Variants in DPP6 observed in about 807,000 individuals in gnomAD.
DPP6 encodes the protein dipeptidyl peptidase like 6, also known as A-type potassium channel modulatory protein DPP6.
DPP6 carries 69 observed loss-of-function variants against 122.6 expected under a neutral mutation model. The observed-to-expected ratio is 0.56, with a 90% CI of 0.46 to 0.69. The LOEUF (loss-of-function observed/expected upper bound fraction) is 0.69, where lower values mean the gene tolerates loss of function less well. DPP6 is among the 30% of genes least tolerant of loss of function. The pLI is 0.00. For synonymous variants in DPP6, 418 were observed against 433.1 expected (o/e 0.97, Z 0.43); for missense variants, 928 against 1,116.9 (o/e 0.83, Z 2.41).
chr7:154,248,886 G>C (rs1172387877), intron 1 of DPP6, among the ~76,000 whole-genome samples: 2 of 151,890 alleles, frequency 1.3e-5, no homozygotes, highest in Non-Finnish European at 2.9e-5. Context: ...AAAAAGAAAA[G>C]GCATTGAACT....
chr7:154,412,770 C>T lies in DPP6; in HGVS notation c.244-33444C>T, dbSNP rs545931561. ...CGAGTGACTTCATCTCACTCGACGACCTCACCTGACTATTCCCTGGCCTCT... is the reference window on the plus strand; with the variant it reads ...CGAGTGACTTCATCTCACTCGACGATCTCACCTGACTATTCCCTGGCCTCT... On this transcript the variant is annotated intron_variant, in intron 1 of 25. Coordinates refer to ENST00000377770, the MANE Select transcript of DPP6 (RefSeq NM_130797.4). Among the ~76,000 whole-genome samples the T allele has an allele frequency of 9.8e-5, 15 of 152,294 alleles. No homozygotes were observed. In the South Asian group the frequency reaches 2.9e-3, roughly 30 times the overall value.
At chr7:153,945,954 G>A (rs1336933781) in intron 1 of DPP6, among the ~76,000 whole-genome samples, 1 of 152,194 alleles carries the variant, frequency 6.6e-6, no homozygotes, top group African/African-American at 2.4e-5. Context: ...TGGAATGTGT[G>A]TGGCCACCTT....
chr7:154,651,023 A>G (rs995924120), intron 6 of DPP6, among the ~76,000 whole-genome samples: 46 of 152,142 alleles, frequency 3.0e-4, no homozygotes, highest in African/African-American at 1.1e-3. Context: ...GTACATTTCT[A>G]TTGGTTTTTT....
At chr7:154,627,701 A>C (rs1322532933) in intron 5 of DPP6, among the ~76,000 whole-genome samples, 1 of 152,216 alleles carries the variant, frequency 6.6e-6, no homozygotes, top group Non-Finnish European at 1.5e-5. Flanking sequence ...CAACTTCCGC[A>C]TCAGGACTTA....
intron 3 of DPP6, among the ~76,000 whole-genome samples, chr7:154,506,386 G>A (rs904443825): frequency 1.4e-4 from 21 of 152,148 alleles, no homozygotes; most frequent in African/African-American, 5.1e-4. Flanking sequence ...TGTCTTTAGA[G>A]GGTGACTATT....
intron 7 of DPP6, among the ~76,000 whole-genome samples, chr7:154,701,542 C>T (rs542207725): frequency 2.0e-5 from 3 of 152,238 alleles, no homozygotes; most frequent in East Asian, 1.9e-4. Flanking sequence ...CAGGCTGAGC[C>T]GCCAGGCTGA....
chr7:154,053,250 G>T (rs1330396387), intron 1 of DPP6, among the ~76,000 whole-genome samples, 187 bp downstream of exon 1: 1 of 150,692 alleles, frequency 6.6e-6, no homozygotes, highest in African/African-American at 2.4e-5. Flanking sequence ...CGGAGGGAGC[G>T]GGTCTGTGTC....
the DPP6 span, among the ~76,000 whole-genome samples, chr7:153,843,243 CATACATGTGCAT>C: frequency 6.6e-6 from 1 of 150,540 alleles, no homozygotes; most frequent in South Asian, 2.1e-4. Flanking sequence ...TACACACGCA[CATACATGTGCAT>C]ACAGACACAC....
intron 1 of DPP6, chr7:154,057,294 C>T (rs2129065811): frequency 6.6e-6 from 1 of 151,168 alleles, no homozygotes; most frequent in Admixed American, 6.6e-5. Flanking sequence ...GAGAGCCAGC[C>T]CCTCTTCCCC....
intron 4 of DPP6, among the ~76,000 whole-genome samples, chr7:154,565,409 T>TA (rs1159238544): frequency 6.6e-5 from 10 of 152,210 alleles, no homozygotes; most frequent in Admixed American, 6.5e-4. Context: ...CACCATGTGA[T>TA]ATTACGAGCC....
At chr7:154,727,993 C>T in intron 8 of DPP6, 106 bp downstream of exon 8, 1 of 1,482,646 alleles carries the variant, frequency 6.7e-7, no homozygotes, top group Non-Finnish European at 9.0e-7. Context: ...GTAAATTAAA[C>T]TCCAGTTTCT....
At chr7:154,799,130 G>A (rs1311934324) in intron 12 of DPP6, among the ~76,000 whole-genome samples, 1 of 152,152 alleles carries the variant, frequency 6.6e-6, no homozygotes, top group Non-Finnish European at 1.5e-5. Flanking sequence ...TAGGTCCACC[G>A]ATCTTCCAAG....
chr7:154,762,932 A>C (rs370170255), intron 8 of DPP6, among the ~76,000 whole-genome samples: 125 of 152,358 alleles, frequency 8.2e-4, no homozygotes, highest in African/African-American at 2.9e-3. Context: ...GAAAATCACC[A>C]AAGTGTGGAA....
At chr7:154,151,164 T>C (rs181559817) in intron 1 of DPP6, among the ~76,000 whole-genome samples, 2,696 of 152,262 alleles carry the variant, frequency 0.018, 69 homozygotes, top group African/African-American at 0.059. Flanking sequence ...GCTTCTTCCA[T>C]GGAAGCTGCC....
chr7:154,040,569 A>G (rs1799707623), intron 1 of DPP6, among the ~76,000 whole-genome samples: 1 of 148,084 alleles, frequency 6.8e-6, no homozygotes, highest in African/African-American at 2.6e-5. Context: ...TTCAAACAAC[A>G]ATTCTATGGG....
chr7:154,608,635 C>T (rs904612225), intron 5 of DPP6, among the ~76,000 whole-genome samples: 1 of 151,882 alleles, frequency 6.6e-6, no homozygotes, highest in African/African-American at 2.4e-5. Flanking sequence ...TGCGCCCGGC[C>T]GATCATATGT....
chr7:154,616,872 T>C (rs1834296575), intron 5 of DPP6, among the ~76,000 whole-genome samples: 1 of 152,186 alleles, frequency 6.6e-6, no homozygotes. Context: ...TTTTGTCTTC[T>C]TAAAAATATT....
intron 1 of DPP6, among the ~76,000 whole-genome samples, chr7:154,361,833 G>A (rs1247584572): frequency 6.6e-6 from 1 of 152,228 alleles, no homozygotes; most frequent in African/African-American, 2.4e-5. Flanking sequence ...CTTACAGATG[G>A]AGAATTGGAG....
chr7:154,063,617 C>A (rs1420658976), intron 1 of DPP6, among the ~76,000 whole-genome samples: 4 of 125,564 alleles, frequency 3.2e-5, no homozygotes, highest in Non-Finnish European at 4.9e-5. Flanking sequence ...AGGCACCCCC[C>A]ACGAGGCAGG....
Sources: allele counts gnomAD v4.1 joint callset (sites outside exome capture counted in the v4.1 genomes callset), GRCh38; gene constraint gnomAD v4.1.1; transcripts MANE v1.5; gene names NCBI Gene and HGNC (gene_info 2026-07-23, HGNC 2026-07-21).